The following SEC14L5 variants were observed in gnomAD, a reference collection of about 807,000 sequenced individuals.
SEC14L5 encodes SEC14-like protein 5.
SEC14L5 carries 96 observed loss-of-function variants against 84.6 expected under a neutral mutation model. That is an observed-to-expected ratio of 1.13 (90% confidence interval 0.96 to 1.34). SEC14L5 has a LOEUF of 1.34. SEC14L5 is among the 40% of genes most tolerant of loss of function. The pLI, the probability that SEC14L5 is intolerant of heterozygous loss-of-function variation, is 0.00. For missense variants in SEC14L5, 1,224 were observed against 942.5 expected (o/e 1.30, Z -3.91); for synonymous variants, 546 against 383.4 (o/e 1.42, Z -4.95).
chr16:4,991,274 C>T (rs796376581), intron 5 of SEC14L5, among the ~76,000 whole-genome samples: 2 of 144,838 alleles, frequency 1.4e-5, no homozygotes, highest in Non-Finnish European at 3.0e-5. Flanking sequence ...ATGAAATTAA[C>T]TTTAATAACA....
chr16:4,995,733 T>A (rs1325410642), intron 6 of SEC14L5, among the ~76,000 whole-genome samples: 1 of 151,782 alleles, frequency 6.6e-6, no homozygotes, highest in African/African-American at 2.4e-5. Context: ...TTCAAGCGAT[T>A]CTCCTGACTC....
chr16:5,014,413 G>T (rs1266881760), intron 15 of SEC14L5, among the ~76,000 whole-genome samples: 1 of 152,238 alleles, frequency 6.6e-6, no homozygotes, highest in Non-Finnish European at 1.5e-5. Flanking sequence ...CTCGAGGATG[G>T]CGCTGCCCTG....
intron 10 of SEC14L5, among the ~76,000 whole-genome samples, chr16:5,001,772 T>C (rs1294440068): frequency 6.6e-6 from 1 of 151,730 alleles, no homozygotes; most frequent in African/African-American, 2.4e-5. Flanking sequence ...TTCTGTAAAG[T>C]GGCTTTTTTT....
In SEC14L5 at chr16:5,007,439, A is replaced by AGT; in HGVS notation, c.1527_1528dup (p.Glu510ValfsTer65). 6.2e-7 allele frequency: 1 copy of AGT among 1,613,814 alleles called. No individual in the cohort carries two copies. Among genetic ancestry groups the AGT allele is most frequent in the Non-Finnish European group, 8.5e-7 (1 of 1,179,820 alleles). ...GCACACGGACCAGCTGTGGCAGTGG[A>AGT]GTGAGACCTACCATTCAGCCAGCGT... On this transcript the variant is annotated frameshift_variant, in exon 13 of 16. Coordinates refer to ENST00000251170, the MANE Select transcript of SEC14L5 (RefSeq NM_014692.2). LOFTEE classifies it high-confidence loss of function.
rs1361163059 is a variant in SEC14L5, at chr16:5,016,893, G to A, written c.*1923G>A. On this transcript the variant is annotated 3_prime_UTR_variant, in exon 16 of 16. Transcript: ENST00000251170. Reference sequence around the variant, plus strand: ...CAAAATAGATTGCTTTGCACTCTGCGTCAAGGTGTGTGTGCACATGTGTGC... The same window carrying A: ...CAAAATAGATTGCTTTGCACTCTGCATCAAGGTGTGTGTGCACATGTGTGC... 1.3e-5 allele frequency: 2 copies of A among 152,218 alleles called. No individual in the cohort carries two copies. Among genetic ancestry groups the A allele is most frequent in the South Asian group, 2.1e-4 (1 of 4,834 alleles). 9.4% of individuals were successfully genotyped at this position (152,218 alleles called of 1,614,324 possible). A position where few individuals can be genotyped will look rare whatever the true frequency, so the allele number is the denominator to read the frequency against.
At chr16:4,988,390 C>T (rs1568126459) in intron 4 of SEC14L5, 110 bp downstream of exon 4, 1 of 1,343,872 alleles carries the variant, frequency 7.4e-7, no homozygotes, top group South Asian at 1.4e-5. Context: ...CAAGCCCTCC[C>T]TCCTGGGGCA....
intron 10 of SEC14L5, among the ~76,000 whole-genome samples, chr16:5,002,374 C>G (rs2908672): frequency 0.097 from 14,578 of 150,450 alleles, 1,001 homozygotes; most frequent in Non-Finnish European, 0.15. Context: ...TTGGCTCACT[C>G]CAACCTCCAC....
Position 5,000,710 on chromosome 16 carries a change from G to A in SEC14L5, c.1026G>A (p.Met342Ile). The A allele has an allele frequency of 1.9e-6, 3 of 1,552,492 alleles. No homozygotes were observed. The highest frequency in any genetic ancestry group is 2.6e-6 in the Non-Finnish European group (3 of 1,147,618). ...RLGQMDTKGL[M>I]KAVGEEALLR... is the part of the protein sequence containing the mutation. ...GCCAGATGGACACCAAAGGCTTGAT[G>A]AAGGCCGTGGGGGAGGAGGCGCTGC... Residue 342 changes from methionine to isoleucine, a missense_variant, in exon 9 of 16, where the codon ATG (methionine) becomes ATA (isoleucine). Physicochemically the swap from Met to Ile is conservative, Grantham distance 10 (BLOSUM62 1). Transcript: ENST00000251170.
intron 8 of SEC14L5, 55 bp from the exon 9 acceptor site, chr16:5,000,600 G>A (rs1955663962): frequency 5.8e-6 from 8 of 1,375,118 alleles, no homozygotes; most frequent in East Asian, 2.5e-5. Flanking sequence ...CCTGCCCCTC[G>A]GAAGCAGTCC....
At chr16:4,958,821 A>G (rs1436217558) in intron 1 of SEC14L5, among the ~76,000 whole-genome samples, 1 of 151,876 alleles carries the variant, frequency 6.6e-6, no homozygotes, top group Non-Finnish European at 1.5e-5. Flanking sequence ...AATGTGGTGA[A>G]GGCTGTGTGT....
At chr16:4,971,953 A>T (rs1955285545) in intron 2 of SEC14L5, among the ~76,000 whole-genome samples, 1 of 152,138 alleles carries the variant, frequency 6.6e-6, no homozygotes, top group Admixed American at 6.6e-5. Context: ...AAACAAACGC[A>T]GACATAATGT....
chr16:5,000,756 C>T lies in SEC14L5; in HGVS notation c.1059+13C>T, dbSNP rs1206473245. On this transcript the variant is annotated intron_variant, in intron 9 of 15. Transcript: ENST00000251170. ...GCTGCTGCGGCATGTGAGTCAGGGG[C>T]CTCGTTCCTGGACGCCGTGCCTGGG... is the stretch of plus-strand genomic sequence containing the variant. 6.4e-7 allele frequency: 1 copy of T among 1,553,710 alleles called. No individual in the cohort carries two copies. The highest frequency in any genetic ancestry group is 1.2e-5 in the South Asian group (1 of 84,246).
chr16:4,979,571 T>C (rs925751943), intron 2 of SEC14L5, among the ~76,000 whole-genome samples: 2 of 152,186 alleles, frequency 1.3e-5, no homozygotes, highest in African/African-American at 2.4e-5. Context: ...TCGGCACCTT[T>C]TGGTCATCTG....
chr16:4,990,377 C>T (rs55765071), intron 4 of SEC14L5, among the ~76,000 whole-genome samples: 1 of 152,030 alleles, frequency 6.6e-6, no homozygotes, highest in South Asian at 2.1e-4. Context: ...TGGCCAGGCT[C>T]GTCTCCAAGT....
intron 5 of SEC14L5, among the ~76,000 whole-genome samples, chr16:4,991,421 G>A (rs2142507098): frequency 6.6e-6 from 1 of 151,942 alleles, no homozygotes; most frequent in South Asian, 2.1e-4. Flanking sequence ...ATAAAATTAG[G>A]TGGGTGTGGT....
intron 8 of SEC14L5, among the ~76,000 whole-genome samples, chr16:4,997,607 G>T (rs1448209085): frequency 1.3e-5 from 2 of 152,112 alleles, no homozygotes; most frequent in Non-Finnish European, 2.9e-5. Flanking sequence ...AAGGTAACAG[G>T]TGCATACATT....
At chr16:5,006,192 C>G (rs996564006) in intron 12 of SEC14L5, 144 bp downstream of exon 12, 14 of 765,170 alleles carry the variant, frequency 1.8e-5, no homozygotes, top group African/African-American at 1.4e-4. Context: ...GTCTTGCTGG[C>G]TCTCAGCAGC....
intron 2 of SEC14L5, among the ~76,000 whole-genome samples, chr16:4,961,609 G>T (rs944471623): frequency 3.3e-5 from 5 of 152,182 alleles, no homozygotes; most frequent in Non-Finnish European, 7.3e-5. Flanking sequence ...GATTACAGGG[G>T]TGACTCACTG....
In SEC14L5 at chr16:4,959,271, A is replaced by G; in HGVS notation, c.-51-2A>G. ...AACCTCACCAGTCACTCCTCGCCCC[A>G]GGCTCTGTGCACACCCCTGCCTGGT... On this transcript the variant is annotated splice_acceptor_variant, in intron 1 of 15. Coordinates refer to ENST00000251170, the MANE Select transcript of SEC14L5 (RefSeq NM_014692.2). LOFTEE classifies it low-confidence loss of function (5UTR_SPLICE). 1.4e-6 allele frequency: 2 copies of G among 1,442,332 alleles called. No individual in the cohort carries two copies. The highest frequency in any genetic ancestry group is 1.1e-5 in the South Asian group (1 of 87,574). 89.3% of individuals were successfully genotyped at this position (1,442,332 alleles called of 1,614,324 possible).
Sources: gnomAD v4.1 joint callset for allele counts (sites outside exome capture counted in the v4.1 genomes callset) on GRCh38, gnomAD v4.1.1 for gene constraint, MANE v1.5 for transcripts, NCBI Gene and HGNC (gene_info 2026-07-23, HGNC 2026-07-21) for gene names.